The following CAMK1G variants were observed in gnomAD, a reference collection of about 807,000 sequenced individuals.
The protein encoded by CAMK1G is calcium/calmodulin dependent protein kinase IG.
Under a neutral mutation model 54.8 loss-of-function variants are expected in CAMK1G, and 27 were observed. The ratio of observed to expected loss-of-function variants is 0.49; its 90% CI spans 0.36 to 0.68. The LOEUF (loss-of-function observed/expected upper bound fraction) is 0.68. CAMK1G is among the 30% of genes least tolerant of loss of function. The probability of loss-of-function intolerance (pLI) is 0.00; values close to 1 mark genes in which losing one functional copy is unlikely to be tolerated. For missense variants in CAMK1G, 512 were observed against 591.0 expected, an observed-to-expected ratio of 0.87 and a Z score of 1.39; for synonymous variants, 238 against 224.9, an observed-to-expected ratio of 1.06 and a Z score of -0.52.
intron 2 of CAMK1G, 160 bp from the exon 3 acceptor site, chr1:209,599,823 T>G: frequency 2.3e-6 from 1 of 430,016 alleles, no homozygotes; most frequent in Non-Finnish European, 3.1e-6. Context: ...TTTTTTAAAT[T>G]TTGTGCTTTC....
Position 209,612,318 on chromosome 1 carries a change from CA to C in CAMK1G, c.1340+103del. On this transcript the variant is annotated intron_variant, in intron 11 of 12. Coordinates refer to ENST00000361322, the MANE Select transcript of CAMK1G (RefSeq NM_020439.3). ...CACAAAGGCCTCTCCCACTCATAGG[CA>C]GCTATATAGGGAGGGATGAGTTCTG... 6 of 1,279,446 alleles carry C rather than the reference CA, an allele frequency of 4.7e-6. No individual in the cohort carries two copies. The South Asian group carries it at 8.5e-5, about 18-fold the overall frequency. 79.3% of individuals were successfully genotyped at this position (1,279,446 alleles called of 1,614,324 possible). A position where few individuals can be genotyped will look rare whatever the true frequency, so the allele number is the denominator to read the frequency against.
At chr1:209,585,655 C>G (rs534446789) in intron 1 of CAMK1G, among the ~76,000 whole-genome samples, 1 of 152,332 alleles carries the variant, frequency 6.6e-6, no homozygotes, top group African/African-American at 2.4e-5. Context: ...TCCAGGGCAG[C>G]GAATACTATA....
chr1:209,609,489 T>C (rs1665728135), intron 8 of CAMK1G, among the ~76,000 whole-genome samples: 1 of 152,208 alleles, frequency 6.6e-6, no homozygotes. Flanking sequence ...GTTGGACCTG[T>C]TAAGTGGAAA....
At position 209,603,257 on chromosome 1, in the gene CAMK1G, A is replaced by G; in HGVS notation, c.265A>G (p.Ser89Gly). ...NIVTLEDIYESTTHYYLVMQL... is the reference protein window; with the variant it reads ...NIVTLEDIYEGTTHYYLVMQL... ...TGTGACCCTGGAGGACATCTATGAG[A>G]GCACCACCCACTACTACCTGGTCAT... The change falls in exon 4 of 13, where the codon AGC becomes GGC. Residue 89 changes from serine to glycine, a missense_variant. This residue lies in a region of CAMK1G where 186 missense variants were observed against 231.5 expected (regional missense o/e 0.80). Transcript: ENST00000361322. The G allele has an allele frequency of 6.2e-7, 1 of 1,614,144 alleles. No individual in the cohort carries two copies.
intron 1 of CAMK1G, among the ~76,000 whole-genome samples, chr1:209,587,926 C>A (rs1665142624): frequency 6.6e-6 from 1 of 152,188 alleles, no homozygotes; most frequent in Non-Finnish European, 1.5e-5. Flanking sequence ...TAGAGATGAT[C>A]CAACTGATAA....
intron 9 of CAMK1G, among the ~76,000 whole-genome samples, chr1:209,610,333 C>T (rs1386780305): frequency 2.0e-5 from 3 of 152,146 alleles, no homozygotes; most frequent in Non-Finnish European, 2.9e-5. Flanking sequence ...GCAAAGCAAC[C>T]GATTGGCAAA....
At chr1:209,603,683 C>G (rs528760078) in intron 4 of CAMK1G, among the ~76,000 whole-genome samples, 1 of 152,306 alleles carries the variant, frequency 6.6e-6, no homozygotes, top group African/African-American at 2.4e-5. Flanking sequence ...GAACCCTTTT[C>G]TGGCACTGTG....
rs768959300 is a variant in CAMK1G, at chr1:209,611,854, C to G, written c.978C>G (p.Ser326Arg). 12 of 1,614,228 alleles carry G rather than the reference C, an allele frequency of 7.4e-6. No homozygotes were observed. The highest frequency in any genetic ancestry group is 1.0e-5 in the Non-Finnish European group (12 of 1,180,050). The change falls in exon 11 of 13, where the codon AGC becomes AGG. Residue 326 changes from serine (S) to arginine (R), a missense_variant. Ser to Arg is a moderately radical substitution (Grantham distance 110). Around this residue, in one of 3 missense-constraint regions of CAMK1G, gnomAD observed 315 missense variants for 330.5 expected, o/e 0.95. Coordinates refer to ENST00000361322, the MANE Select transcript of CAMK1G (RefSeq NM_020439.3). ...GGAAGCTACACATGAACCTGCACAGCCCGGGCGTCCGCCCAGAGGTGGAGA... is the reference window on the plus strand; with the variant it reads ...GGAAGCTACACATGAACCTGCACAGGCCGGGCGTCCGCCCAGAGGTGGAGA... ...HMRKLHMNLH[S>R]PGVRPEVENR... is the part of the protein sequence containing the mutation.
intron 7 of CAMK1G, among the ~76,000 whole-genome samples, chr1:209,608,626 A>T (rs1665706995): frequency 6.6e-6 from 1 of 152,192 alleles, no homozygotes; most frequent in South Asian, 2.1e-4. Context: ...CACAGCCTAA[A>T]TAAATCCTTC....
chr1:209,611,406 C>T, intron 9 of CAMK1G, 59 bp from the exon 10 acceptor site: 1 of 1,522,160 alleles, frequency 6.6e-7, no homozygotes, highest in Non-Finnish European at 9.1e-7. Flanking sequence ...ACCCTGCCCA[C>T]TCCCTGGATG....
chr1:209,588,083 C>A (rs1223834024), intron 1 of CAMK1G, among the ~76,000 whole-genome samples: 2 of 152,172 alleles, frequency 1.3e-5, no homozygotes, highest in African/African-American at 4.8e-5. Context: ...AGGCTCTGAG[C>A]CTGCTCACTA....
At chr1:209,592,839 T>C (rs1489813685) in intron 1 of CAMK1G, among the ~76,000 whole-genome samples, 1 of 152,222 alleles carries the variant, frequency 6.6e-6, no homozygotes, top group Admixed American at 6.5e-5. Flanking sequence ...AGTCTCATAG[T>C]TGTGTTTTAA....
intron 3 of CAMK1G, among the ~76,000 whole-genome samples, chr1:209,602,955 C>T (rs551496967): frequency 6.6e-6 from 1 of 152,296 alleles, no homozygotes; most frequent in Admixed American, 6.5e-5. Flanking sequence ...AGATTCCTGG[C>T]ATAACAAGGA....
At position 209,612,025 on chromosome 1, in the gene CAMK1G, C is replaced by T. The variant is rs1415750666; in HGVS notation, c.1149C>T (p.Ala383=). 1.9e-6 allele frequency: 3 copies of T among 1,614,220 alleles called. No homozygotes were observed. The highest frequency in any genetic ancestry group is 2.7e-5 in the African/African-American group (2 of 75,064). ...GCCAGCATGGCCGCCGGCCCACTGC[C>T]CCTGGTGGCAGGTCCCTCAACTGCC... ...LPCQHGRRPT[A]PGGRSLNCLV... Residue 383 remains alanine (A), a synonymous_variant, in exon 11 of 13, where the codon GCC becomes GCT. Coordinates refer to ENST00000361322, the MANE Select transcript of CAMK1G (RefSeq NM_020439.3).
chr1:209,589,214 G>T (rs1665184121), intron 1 of CAMK1G, among the ~76,000 whole-genome samples: 1 of 152,236 alleles, frequency 6.6e-6, no homozygotes, highest in East Asian at 1.9e-4. Context: ...CTCTGGGTGT[G>T]GGTAGACGGA....
chr1:209,610,021 T>C, intron 9 of CAMK1G, 92 bp downstream of exon 9: 1 of 1,027,142 alleles, frequency 9.7e-7, no homozygotes, highest in South Asian at 1.3e-5. Flanking sequence ...TGGAATCTGC[T>C]TGTCCTGATC....
chr1:209,595,084 TG>T lies in CAMK1G; in HGVS notation c.92+13del, dbSNP rs1168496857. 6.2e-7 allele frequency: 1 copy of T among 1,610,538 alleles called. No homozygotes were observed. Among genetic ancestry groups the T allele is most frequent in the Non-Finnish European group, 8.5e-7 (1 of 1,177,038 alleles). On this transcript the variant is annotated intron_variant, in intron 2 of 12. Transcript: ENST00000361322. ...ATGGAAGTGCTGGGATCGTAAGTCCTGGGGCTGTGAGGTCGGGTGGGCTGGG... is the reference window on the plus strand; with the variant it reads ...ATGGAAGTGCTGGGATCGTAAGTCCTGGGCTGTGAGGTCGGGTGGGCTGGG...
intron 1 of CAMK1G, among the ~76,000 whole-genome samples, chr1:209,594,046 G>T (rs1164999945): frequency 1.3e-5 from 2 of 152,026 alleles, no homozygotes; most frequent in Non-Finnish European, 2.9e-5. Flanking sequence ...TATTTCCTTT[G>T]CACAGAAGCT....
chr1:209,601,533 G>A (rs74958395), intron 3 of CAMK1G, among the ~76,000 whole-genome samples: 1,948 of 152,298 alleles, frequency 0.013, 48 homozygotes, highest in African/African-American at 0.045. Flanking sequence ...CACAGGTCTA[G>A]GATCCAGGGA....
Sources: allele counts gnomAD v4.1 joint callset (sites outside exome capture counted in the v4.1 genomes callset), GRCh38; gene constraint gnomAD v4.1.1; regional missense constraint gnomAD v4.1.1; transcripts MANE v1.5; gene names NCBI Gene and HGNC (gene_info 2026-07-23, HGNC 2026-07-21).